STARD13: variants seen among roughly 807,000 people sequenced by gnomAD.
The protein encoded by STARD13 is StAR related lipid transfer domain containing 13.
In STARD13, 62 loss-of-function variants were observed where a neutral mutation model predicts 106.4. The observed-to-expected ratio is 0.58, with a 90% CI of 0.48 to 0.72. The LOEUF is 0.72. STARD13 is among the 30% of genes least tolerant of loss of function. The pLI is 0.00. For synonymous variants in STARD13, 565 were observed against 553.0 expected (o/e 1.02, Z -0.31); for missense variants, 1,387 against 1,424.0 (o/e 0.97, Z 0.42).
At chr13:33,206,550 AT>A (rs1258754417) in intron 1 of STARD13, among the ~76,000 whole-genome samples, 4 of 152,248 alleles carry the variant, frequency 2.6e-5, no homozygotes, top group Non-Finnish European at 5.9e-5. Context: ...TTCTGATGAC[AT>A]TACACCCTCA....
the STARD13 span, among the ~76,000 whole-genome samples, chr13:33,361,601 A>G: frequency 2.0e-5 from 3 of 152,240 alleles, no homozygotes; most frequent in Non-Finnish European, 4.4e-5. Context: ...ATTGACTCAC[A>G]GTTCCACAGG....
chr13:33,389,212 C>A, the STARD13 span, among the ~76,000 whole-genome samples: 2 of 152,188 alleles, frequency 1.3e-5, no homozygotes, highest in East Asian at 3.9e-4. Flanking sequence ...CCTGCCTTGG[C>A]CTCCCAAAGT....
intron 1 of STARD13, among the ~76,000 whole-genome samples, chr13:33,212,075 C>G (rs1283982055): frequency 6.6e-6 from 1 of 152,098 alleles, no homozygotes; most frequent in Non-Finnish European, 1.5e-5. Flanking sequence ...CTCAGTGGAA[C>G]CCCAGTGACT....
At chr13:33,576,025 C>A in the STARD13 span, among the ~76,000 whole-genome samples, 1 of 152,040 alleles carries the variant, frequency 6.6e-6, no homozygotes, top group African/African-American at 2.4e-5. Flanking sequence ...GATGACACAT[C>A]TTTTTCAATG....
the STARD13 span, among the ~76,000 whole-genome samples, chr13:33,440,152 G>A: frequency 1.3e-5 from 2 of 151,876 alleles, no homozygotes; most frequent in African/African-American, 2.4e-5. Flanking sequence ...GGTGGCATGT[G>A]CCTGTAGTCT....
chr13:33,128,411 T>C (rs1006563326), intron 5 of STARD13, among the ~76,000 whole-genome samples: 2 of 152,232 alleles, frequency 1.3e-5, no homozygotes, highest in Admixed American at 1.3e-4. Flanking sequence ...CATTTTTCTA[T>C]GGTGCTTCTG....
chr13:33,248,442 G>A (rs1395863531), intron 1 of STARD13, among the ~76,000 whole-genome samples: 2 of 152,156 alleles, frequency 1.3e-5, no homozygotes, highest in South Asian at 2.1e-4. Context: ...GGAAGTCTAT[G>A]GCGATCCTGG....
At chr13:33,163,467 G>A (rs9568963) in intron 3 of STARD13, among the ~76,000 whole-genome samples, 3,816 of 151,110 alleles carry the variant, frequency 0.025, 86 homozygotes, top group African/African-American at 0.061. Context: ...GCATATGCCT[G>A]TAGTCCCAGC....
intron 9 of STARD13, 138 bp from the exon 10 acceptor site, chr13:33,112,030 T>A (rs1034302688): frequency 1.7e-6 from 1 of 598,324 alleles, no homozygotes; most frequent in Admixed American, 2.7e-5. Flanking sequence ...ATAAAAACAA[T>A]GATCACATAT....
In STARD13 at chr13:33,233,079, A is replaced by G. The variant is rs565216621; in HGVS notation, c.169+52391T>C. Among the ~76,000 whole-genome samples, 4 of 152,376 alleles carry G rather than the reference A, an allele frequency of 2.6e-5. No individual in the cohort carries two copies. The South Asian group carries it at 8.3e-4, about 32-fold the overall frequency. On this transcript the variant is annotated intron_variant, in intron 1 of 13. Transcript: ENST00000336934. ...CATATCAAGCACTGCTCAATGTGAT[A>G]GCGACAGGAGGCAGCCAAATGCCTC... is the stretch of plus-strand genomic sequence containing the variant.
chr13:33,179,405 C>T lies in STARD13; in HGVS notation c.170-11783G>A, dbSNP rs149879337. Among the ~76,000 whole-genome samples, 970 of 152,238 alleles carry T rather than the reference C, an allele frequency of 6.4e-3. 11 individuals carry two copies. Among genetic ancestry groups the T allele is most frequent in the African/African-American group, 0.022 (913 of 41,546 alleles). Reference sequence around the variant, plus strand: ...GGTTGCCGTAAAGATTAAATGATTGCATTTCTGTAAAGTACCTGGAGCACA... The same window carrying T: ...GGTTGCCGTAAAGATTAAATGATTGTATTTCTGTAAAGTACCTGGAGCACA... On this transcript the variant is annotated intron_variant, in intron 1 of 13. Transcript: ENST00000336934.
At chr13:33,434,088 C>A in the STARD13 span, among the ~76,000 whole-genome samples, 3 of 152,136 alleles carry the variant, frequency 2.0e-5, no homozygotes, top group Non-Finnish European at 4.4e-5. Context: ...CGCTGTGGCT[C>A]ACGCCTGTAA....
intron 1 of STARD13, among the ~76,000 whole-genome samples, chr13:33,227,160 C>A (rs1231381952): frequency 2.0e-5 from 3 of 152,232 alleles, no homozygotes; most frequent in East Asian, 3.8e-4. Context: ...AACCTGCGAG[C>A]TTTGCTCAGC....
the STARD13 span, among the ~76,000 whole-genome samples, chr13:33,462,618 G>A: frequency 2.0e-5 from 3 of 152,200 alleles, no homozygotes; most frequent in Admixed American, 6.5e-5. Context: ...AAAGCCCCTG[G>A]TAAACCACTG....
the STARD13 span, among the ~76,000 whole-genome samples, chr13:33,457,908 T>C: frequency 6.6e-6 from 1 of 152,170 alleles, no homozygotes; most frequent in Non-Finnish European, 1.5e-5. Flanking sequence ...CAGTAACTCC[T>C]TAAAAATACA....
At chr13:33,159,797 CAT>C (rs1882408028) in intron 3 of STARD13, among the ~76,000 whole-genome samples, 1 of 152,144 alleles carries the variant, frequency 6.6e-6, no homozygotes, top group Non-Finnish European at 1.5e-5. Context: ...GTGAACCACT[CAT>C]ATGCTTAAAA....
At chr13:33,646,345 T>TATCA in the STARD13 span, among the ~76,000 whole-genome samples, 3 of 152,244 alleles carry the variant, frequency 2.0e-5, no homozygotes, top group African/African-American at 7.2e-5. Context: ...TGAATCTTTC[T>TATCA]ATCAGTGGTC....
the STARD13 span, among the ~76,000 whole-genome samples, chr13:33,621,987 T>A: frequency 6.6e-6 from 1 of 151,562 alleles, no homozygotes; most frequent in African/African-American, 2.4e-5. Context: ...GTACTTTTAG[T>A]AGAGAAGGGG....
chr13:33,263,554 T>C (rs1414740437), intron 1 of STARD13, among the ~76,000 whole-genome samples: 2 of 152,180 alleles, frequency 1.3e-5, no homozygotes, highest in Non-Finnish European at 2.9e-5. Context: ...TGGGAGTATG[T>C]TCTTCTTTCC....
Sources: gnomAD v4.1 joint callset for allele counts (sites outside exome capture counted in the v4.1 genomes callset) on GRCh38, gnomAD v4.1.1 for gene constraint, MANE v1.5 for transcripts, NCBI Gene and HGNC (gene_info 2026-07-23, HGNC 2026-07-21) for gene names.